Variants in PTPRD observed in about 807,000 individuals in gnomAD.
PTPRD encodes receptor-type tyrosine-protein phosphatase delta.
In PTPRD, 34 loss-of-function variants were observed where a neutral mutation model predicts 214.5. The observed-to-expected ratio is 0.16, with a 90% CI of 0.12 to 0.21. The LOEUF (loss-of-function observed/expected upper bound fraction) is 0.21. Ranked by LOEUF, PTPRD falls within the 10% of genes least tolerant of loss-of-function variation. The pLI is 1.00. For missense variants in PTPRD, 2,545 were observed against 2,398.7 expected (o/e 1.06, Z -1.27); for synonymous variants, 1,128 against 845.7 (o/e 1.33, Z -5.79).
intron 8 of PTPRD, among the ~76,000 whole-genome samples, chr9:9,520,498 T>G (rs1422555121): frequency 2.6e-5 from 4 of 152,216 alleles, no homozygotes; most frequent in Non-Finnish European, 5.9e-5. Context: ...TGCATTTGTG[T>G]GTTCTCATAA....
intron 10 of PTPRD, among the ~76,000 whole-genome samples, chr9:9,031,139 T>A (rs2099603994): frequency 6.6e-6 from 1 of 152,002 alleles, no homozygotes; most frequent in African/African-American, 2.4e-5. Flanking sequence ...GACAGTAAGA[T>A]TTCATGTGGT....
chr9:8,441,598 T>C (rs2095548384), intron 34 of PTPRD, among the ~76,000 whole-genome samples: 1 of 151,834 alleles, frequency 6.6e-6, no homozygotes, highest in Admixed American at 6.6e-5. Context: ...TGAATTAGAA[T>C]CAAGGAGTGT....
At chr9:9,568,906 T>C (rs933485910) in intron 8 of PTPRD, among the ~76,000 whole-genome samples, 7 of 151,844 alleles carry the variant, frequency 4.6e-5, no homozygotes, top group Admixed American at 1.3e-4. Context: ...TTCCCAATAC[T>C]AGCCCAATGC....
In PTPRD at chr9:9,845,114, ATTGC is replaced by A. The variant is rs1489658226; in HGVS notation, c.-367-78267_-367-78264del. ...TAGCTATATATATACTGCTATATAT[ATTGC>A]TCTATATATAGAGCAATATATATAT... On this transcript the variant is annotated intron_variant, in intron 5 of 45. Transcript: ENST00000381196. Among the ~76,000 whole-genome samples the A allele has an allele frequency of 1.9e-4, 17 of 89,516 alleles. 4 individuals carry two copies. The East Asian group carries it at 0.013, about 70-fold the overall frequency. 58.7% of individuals were successfully genotyped at this position (89,516 alleles called of 152,430 possible).
intron 5 of PTPRD, among the ~76,000 whole-genome samples, chr9:9,898,634 G>A (rs779152290): frequency 1.8e-4 from 28 of 152,078 alleles, no homozygotes; most frequent in Non-Finnish European, 3.4e-4. Flanking sequence ...GCACTGAAGT[G>A]TTGTGGTTGT....
intron 7 of PTPRD, among the ~76,000 whole-genome samples, chr9:9,713,187 T>G (rs1043156307): frequency 5.3e-5 from 8 of 152,330 alleles, no homozygotes; most frequent in Admixed American, 1.3e-4. Flanking sequence ...CCAGAAAACT[T>G]CAGACAGAAA....
At chr9:9,019,382 C>T (rs2099553977) in intron 10 of PTPRD, among the ~76,000 whole-genome samples, 1 of 150,408 alleles carries the variant, frequency 6.6e-6, no homozygotes. Flanking sequence ...TAAAATTAGG[C>T]TGAGGGCTTA....
chr9:10,303,440 A>G (rs1030479625), intron 3 of PTPRD, among the ~76,000 whole-genome samples: 1 of 74,582 alleles, frequency 1.3e-5, no homozygotes, highest in Non-Finnish European at 2.3e-5. Context: ...TAGAAACACA[A>G]AAAAAAACCT....
At chr9:9,933,877 T>G (rs1252698056) in intron 5 of PTPRD, among the ~76,000 whole-genome samples, 1 of 148,316 alleles carries the variant, frequency 6.7e-6, no homozygotes, top group African/African-American at 2.6e-5. Context: ...TAACAAACTA[T>G]CTCTCAGACC....
chr9:9,307,843 TG>T (rs1285547407), intron 9 of PTPRD, among the ~76,000 whole-genome samples: 10 of 152,220 alleles, frequency 6.6e-5, no homozygotes, highest in African/African-American at 2.4e-4. Flanking sequence ...ACTTCGTGTC[TG>T]TTCTAGTTCT....
In PTPRD at chr9:8,326,118, C is replaced by T. The variant is rs537394611; in HGVS notation, c.5534+5464G>A. 1.5e-4 allele frequency among the ~76,000 whole-genome samples: 23 copies of T among 152,248 alleles called. No individual in the cohort carries two copies. The East Asian group carries it at 3.7e-3, about 24-fold the overall frequency. ...CTTCCAATACTGTGTTGAATAGGAG[C>T]AGTGAGAGAGGGCATCCCTCTCTTG... On this transcript the variant is annotated intron_variant, in intron 44 of 45. Coordinates refer to ENST00000381196, the MANE Select transcript of PTPRD (RefSeq NM_002839.4).
intron 2 of PTPRD, among the ~76,000 whole-genome samples, chr9:10,541,596 C>A (rs753870525): frequency 4.6e-5 from 7 of 151,428 alleles, no homozygotes; most frequent in Non-Finnish European, 7.4e-5. Context: ...AGTTAGTTAC[C>A]ATTATTACAT....
chr9:10,558,177 A>G (rs2063061440), intron 2 of PTPRD, among the ~76,000 whole-genome samples: 1 of 152,184 alleles, frequency 6.6e-6, no homozygotes, highest in African/African-American at 2.4e-5. Flanking sequence ...CCCAAAGAAC[A>G]GAAGATAAAA....
chr9:8,492,858 T>C lies in PTPRD; in HGVS notation c.2467+4A>G, dbSNP rs925682192. 1 of 1,608,666 alleles carries C rather than the reference T, an allele frequency of 6.2e-7. No homozygotes were observed. Among genetic ancestry groups the C allele is most frequent in the Non-Finnish European group, 8.5e-7 (1 of 1,175,246 alleles). On this transcript the variant is annotated splice_donor_region_variant and intron_variant, in intron 27 of 45. Transcript: ENST00000381196. ...AAGGCACATACATGCACAGACATGATTACCTGCCCCAGTGGTGGACACCAG... is the reference window on the plus strand; with the variant it reads ...AAGGCACATACATGCACAGACATGACTACCTGCCCCAGTGGTGGACACCAG...
intron 11 of PTPRD, among the ~76,000 whole-genome samples, chr9:8,959,918 C>A (rs1021121370): frequency 1.3e-5 from 2 of 152,036 alleles, no homozygotes; most frequent in Admixed American, 6.6e-5. Context: ...CAGTATTCAT[C>A]GAGTACCTCA....
intron 2 of PTPRD, among the ~76,000 whole-genome samples, chr9:10,575,529 CA>C (rs993834700): frequency 7.3e-5 from 11 of 151,624 alleles, no homozygotes; most frequent in African/African-American, 2.4e-4. Flanking sequence ...GGTAATTAAG[CA>C]AAAAAAGTCT....
chr9:9,405,857 C>G (rs1008539649), intron 8 of PTPRD, among the ~76,000 whole-genome samples: 2 of 151,816 alleles, frequency 1.3e-5, no homozygotes, highest in East Asian at 3.9e-4. Flanking sequence ...GATGTTTGTC[C>G]TTTGGCTTTT....
intron 3 of PTPRD, among the ~76,000 whole-genome samples, chr9:10,181,649 G>T (rs1347009246): frequency 6.6e-6 from 1 of 151,422 alleles, no homozygotes; most frequent in Non-Finnish European, 1.5e-5. Flanking sequence ...TAGTAATTAA[G>T]ATATCATTGT....
chr9:9,093,666 G>C (rs1168680503), intron 10 of PTPRD, among the ~76,000 whole-genome samples: 1 of 114,534 alleles, frequency 8.7e-6, no homozygotes, highest in East Asian at 3.3e-4. Context: ...GTTAAAATTT[G>C]GGCGGGGGGG....
Sources: gnomAD v4.1 joint callset for allele counts (sites outside exome capture counted in the v4.1 genomes callset) on GRCh38, gnomAD v4.1.1 for gene constraint, MANE v1.5 for transcripts, NCBI Gene and HGNC (gene_info 2026-07-23, HGNC 2026-07-21) for gene names.